SCN10A: variants seen among roughly 807,000 people sequenced by gnomAD.
SCN10A encodes sodium voltage-gated channel alpha subunit 10.
Under a neutral mutation model 170.7 loss-of-function variants are expected in SCN10A, and 162 were observed. That is an observed-to-expected ratio of 0.95 (90% confidence interval 0.84 to 1.08). The LOEUF (loss-of-function observed/expected upper bound fraction) is 1.08. SCN10A is among the 50% of genes least tolerant of loss of function. The pLI is 0.00. For synonymous variants in SCN10A, 985 were observed against 904.6 expected (o/e 1.09, Z -1.59); for missense variants, 2,527 against 2,436.9 (o/e 1.04, Z -0.78).
At chr3:38,734,547 T>C (rs2063540961) in intron 15 of SCN10A, among the ~76,000 whole-genome samples, 2 of 152,164 alleles carry the variant, frequency 1.3e-5, no homozygotes, top group South Asian at 2.1e-4. Flanking sequence ...CATTAGAAAA[T>C]CAATTAATAT....
chr3:38,753,612 A>G (rs1280911057), intron 11 of SCN10A, among the ~76,000 whole-genome samples: 1 of 152,192 alleles, frequency 6.6e-6, no homozygotes, highest in Non-Finnish European at 1.5e-5. Flanking sequence ...ATGCCCAAGG[A>G]CTATAGAACT....
intron 10 of SCN10A, among the ~76,000 whole-genome samples, chr3:38,756,416 T>G (rs1411222189): frequency 6.6e-6 from 1 of 152,160 alleles, no homozygotes; most frequent in Admixed American, 6.5e-5. Flanking sequence ...GAACACTCCT[T>G]GTTTAGTTCC....
At chr3:38,772,074 T>C (rs2064007171) in intron 4 of SCN10A, among the ~76,000 whole-genome samples, 2 of 152,150 alleles carry the variant, frequency 1.3e-5, no homozygotes, top group Non-Finnish European at 1.5e-5. Context: ...GATTGGATGC[T>C]CATTTTCTTA....
chr3:38,782,327 C>A (rs1424439625), intron 4 of SCN10A, among the ~76,000 whole-genome samples: 3 of 151,972 alleles, frequency 2.0e-5, no homozygotes, highest in Non-Finnish European at 1.5e-5. Flanking sequence ...GGTAAAATGC[C>A]TTTATTCTCA....
chr3:38,804,978 G>T lies in SCN10A; in HGVS notation c.-32-10936C>A, dbSNP rs557929937. On this transcript the variant is annotated intron_variant, in intron 1 of 27. Coordinates refer to ENST00000449082, the MANE Select transcript of SCN10A (RefSeq NM_006514.4). ...TGTTCTAGTTGTGGGAATGATTTTA[G>T]TCATGTAGACTCAGAGGGAGTGTGA... Among the ~76,000 whole-genome samples, 3 of 152,278 alleles carry T rather than the reference G, an allele frequency of 2.0e-5. No individual in the cohort carries two copies. In the South Asian group the frequency reaches 6.2e-4, roughly 32 times the overall value.
chr3:38,788,624 G>C (rs1414242009), intron 4 of SCN10A, among the ~76,000 whole-genome samples: 1 of 151,090 alleles, frequency 6.6e-6, no homozygotes, highest in Non-Finnish European at 1.5e-5. Flanking sequence ...GTGTGTTGGG[G>C]GGGGGTGGGG....
At position 38,756,704 on chromosome 3, in the gene SCN10A, C is replaced by G; in HGVS notation, c.1260G>C (p.Glu420Asp). 6.2e-7 allele frequency: 1 copy of G among 1,614,156 alleles called. No individual in the cohort carries two copies. Among genetic ancestry groups the G allele is most frequent in the East Asian group, 2.2e-5 (1 of 44,882 alleles). ...GCTCCTTCCGGAGCATCTCGAGGGC[C>G]TCCTGGAACTTCTTCTCCTTTGCTT... ...EIEAKEKKFQ[E>D]ALEMLRKEQE... Residue 420 changes from glutamate (E) to aspartate (D), a missense_variant, in exon 10 of 28, where the codon GAG (glutamate) becomes GAC (aspartate). Glu to Asp is a conservative substitution (Grantham distance 45). Coordinates refer to ENST00000449082, the MANE Select transcript of SCN10A (RefSeq NM_006514.4).
chr3:38,751,272 C>T (rs923989534), intron 12 of SCN10A, among the ~76,000 whole-genome samples: 3 of 152,188 alleles, frequency 2.0e-5, no homozygotes, highest in African/African-American at 7.2e-5. Context: ...TTCCTTCATC[C>T]CTTCAGCCTA....
intron 4 of SCN10A, among the ~76,000 whole-genome samples, chr3:38,777,890 A>G (rs568534435): frequency 2.6e-5 from 4 of 152,198 alleles, no homozygotes; most frequent in African/African-American, 7.2e-5. Flanking sequence ...CATACCACAC[A>G]CATACAAAAA....
chr3:38,726,652 C>G lies in SCN10A; in HGVS notation c.3041G>C (p.Gly1014Ala). The change falls in exon 17 of 28, where the codon GGG (glycine) becomes GCG (alanine). Residue 1014 changes from glycine (G) to alanine (A), a missense_variant. Transcript: ENST00000449082. ...CTGCTGGAAGCTCTGAGCATCTTCC[C>G]CACCATCATCCTCCAAGTCATCAAG... is the stretch of plus-strand genomic sequence containing the variant. Reference protein sequence around the residue: ...SDLDDLEDDGGEDAQSFQQEV... With the variant: ...SDLDDLEDDGAEDAQSFQQEV... 2 of 1,604,488 alleles carry G rather than the reference C, an allele frequency of 1.2e-6. No individual in the cohort carries two copies. The highest frequency in any genetic ancestry group is 2.2e-5 in the South Asian group (2 of 90,608).
At chr3:38,701,497 A>C (rs1293432878) in intron 27 of SCN10A, among the ~76,000 whole-genome samples, 1 of 152,190 alleles carries the variant, frequency 6.6e-6, no homozygotes, top group Non-Finnish European at 1.5e-5. Flanking sequence ...CCATAAAAGT[A>C]AGGTCTGCTG....
chr3:38,701,394 GTC>G (rs1445917221), intron 27 of SCN10A, among the ~76,000 whole-genome samples: 1 of 152,162 alleles, frequency 6.6e-6, no homozygotes, highest in African/African-American at 2.4e-5. Flanking sequence ...TCTCCTCCCA[GTC>G]TTTCCTCACT....
Position 38,712,360 on chromosome 3 carries a change from A to G in SCN10A, c.3890T>C (p.Ile1297Thr). ...CCCTGCGAAGAGGTTCACACCCATG[A>G]TGCTGAAGATGAGCCAGAAGATGAG... is the stretch of plus-strand genomic sequence containing the variant. ...VCLIFWLIFS[I>T]MGVNLFAGKF... is the part of the protein sequence containing the mutation. The change falls in exon 23 of 28, where the codon ATC becomes ACC. Residue 1297 changes from isoleucine to threonine, a missense_variant. Physicochemically the swap from Ile to Thr is moderately conservative, Grantham distance 89. Coordinates refer to ENST00000449082, the MANE Select transcript of SCN10A (RefSeq NM_006514.4). The G allele has an allele frequency of 1.9e-6, 3 of 1,614,230 alleles. No homozygotes were observed. The highest frequency in any genetic ancestry group is 2.5e-6 in the Non-Finnish European group (3 of 1,180,030).
At chr3:38,712,072 T>C in intron 23 of SCN10A, 89 bp downstream of exon 23, 1 of 1,325,902 alleles carries the variant, frequency 7.5e-7, no homozygotes, top group South Asian at 1.3e-5. Context: ...CCTTGCAAAG[T>C]CCCCACATAG....
At position 38,710,894 on chromosome 3, in the gene SCN10A, T is replaced by C. The variant is rs1350489552; in HGVS notation, c.4093A>G (p.Thr1365Ala). The C allele has an allele frequency of 6.2e-6, 10 of 1,613,496 alleles. No individual in the cohort carries two copies. Among genetic ancestry groups the C allele is most frequent in the Non-Finnish European group, 8.5e-6 (10 of 1,179,714 alleles). The change falls in exon 24 of 28, where the codon ACC (threonine) becomes GCC (alanine). Residue 1365 changes from threonine to alanine, a missense_variant. By Grantham distance (58) the Thr-to-Ala change is moderately conservative (BLOSUM62 0). Coordinates refer to ENST00000449082, the MANE Select transcript of SCN10A (RefSeq NM_006514.4). Reference protein sequence around the residue: ...MGYLALLQVATFKGWMDIMYA... With the variant: ...MGYLALLQVAAFKGWMDIMYA... The stretch of plus-strand genomic sequence containing the variant: ...ATAATGTCCATCCAGCCTTTAAAGG[T>C]TGCCTGGAGACAAGGAGCAGAGGCC...
At chr3:38,771,438 C>A (rs1559456340) in intron 4 of SCN10A, 31 bp from the exon 5 acceptor site, 2 of 1,610,920 alleles carry the variant, frequency 1.2e-6, no homozygotes, top group South Asian at 2.2e-5. Flanking sequence ...GGAGTGTCAA[C>A]TGTGCCATGG....
At chr3:38,719,483 T>C (rs1318875056) in intron 20 of SCN10A, among the ~76,000 whole-genome samples, 1 of 141,858 alleles carries the variant, frequency 7.0e-6, no homozygotes, top group Non-Finnish European at 1.5e-5. Flanking sequence ...AAGCTCTGCC[T>C]CCCAGGTTCA....
intron 1 of SCN10A, among the ~76,000 whole-genome samples, chr3:38,811,003 G>A (rs906447774): frequency 2.0e-5 from 3 of 152,126 alleles, no homozygotes; most frequent in Admixed American, 6.5e-5. Flanking sequence ...AGAAACTTAT[G>A]TTTCAAGAGG....
intron 4 of SCN10A, among the ~76,000 whole-genome samples, chr3:38,776,013 C>A (rs11711860): frequency 0.21 from 31,520 of 151,882 alleles, 3,895 homozygotes; most frequent in Middle Eastern, 0.31. Context: ...TAGAGATATT[C>A]AATTGGTTTA....
Sources: allele counts gnomAD v4.1 joint callset (sites outside exome capture counted in the v4.1 genomes callset), GRCh38; gene constraint gnomAD v4.1.1; transcripts MANE v1.5; gene names NCBI Gene and HGNC (gene_info 2026-07-23, HGNC 2026-07-21).